COL14A1: variants seen among roughly 807,000 people sequenced by gnomAD.
COL14A1 encodes the protein collagen alpha-1(XIV) chain.
A neutral mutation model predicts 230.3 loss-of-function variants in COL14A1; 136 were observed. The observed-to-expected ratio is 0.59, with a 90% CI of 0.51 to 0.68. COL14A1 has a LOEUF of 0.68. Among genes scored for constraint, COL14A1 ranks in the 30% least tolerant of loss-of-function variants. The pLI, the probability that COL14A1 is intolerant of heterozygous loss-of-function variation, is 0.00. For synonymous variants in COL14A1, 792 were observed against 784.1 expected (o/e 1.01, Z -0.17); for missense variants, 1,976 against 2,215.8 (o/e 0.89, Z 2.17).
intron 12 of COL14A1, among the ~76,000 whole-genome samples, chr8:120,210,796 C>A (rs1197982843): frequency 2.0e-5 from 3 of 151,876 alleles, no homozygotes; most frequent in Admixed American, 6.6e-5. Context: ...TCTTTAGGGT[C>A]AAAAAAATGG....
intron 24 of COL14A1, 41 bp from the exon 25 acceptor site, chr8:120,266,786 T>C (rs745628519): frequency 4.6e-6 from 7 of 1,525,376 alleles, no homozygotes; most frequent in Non-Finnish European, 6.4e-6. Context: ...TCCCCACAGA[T>C]GAGATGGTGA....
chr8:120,252,256 G>C (rs573796809), intron 22 of COL14A1, among the ~76,000 whole-genome samples: 2 of 151,972 alleles, frequency 1.3e-5, no homozygotes, highest in Admixed American at 1.3e-4. Flanking sequence ...AAATTCTCTA[G>C]TGGTGAATTC....
chr8:120,297,686 G>A (rs1033052363), intron 35 of COL14A1, 98 bp downstream of exon 35: 17 of 564,560 alleles, frequency 3.0e-5, no homozygotes, highest in African/African-American at 9.9e-5. Context: ...TAGGCAACTC[G>A]TTGAGATGAT....
At position 120,271,156 on chromosome 8, in the gene COL14A1, A is replaced by T. The variant is rs557291365; in HGVS notation, c.3213+982A>T. Among the ~76,000 whole-genome samples the T allele has an allele frequency of 3.9e-4, 59 of 151,870 alleles. No individual in the cohort carries two copies. The South Asian group carries it at 0.012, about 30-fold the overall frequency. On this transcript the variant is annotated intron_variant, in intron 26 of 47. Coordinates refer to ENST00000297848, the MANE Select transcript of COL14A1 (RefSeq NM_021110.4). ...CCAAATACTGCATGTTCCCACTTATAAGTGGGAGCTAAACATCGAGTACAT... is the reference window on the plus strand; with the variant it reads ...CCAAATACTGCATGTTCCCACTTATTAGTGGGAGCTAAACATCGAGTACAT...
intron 1 of COL14A1, among the ~76,000 whole-genome samples, chr8:120,132,757 A>G (rs1022921237): frequency 6.6e-6 from 1 of 152,140 alleles, no homozygotes; most frequent in African/African-American, 2.4e-5. Context: ...CAAAGTACAA[A>G]TTACTAAAAC....
At chr8:120,244,663 C>T (rs1447454168) in intron 20 of COL14A1, among the ~76,000 whole-genome samples, 1 of 152,176 alleles carries the variant, frequency 6.6e-6, no homozygotes, top group Non-Finnish European at 1.5e-5. Context: ...TGAGTTACTT[C>T]ACTTAAAATA....
chr8:120,265,559 T>C (rs937460672), intron 24 of COL14A1, among the ~76,000 whole-genome samples: 1 of 151,812 alleles, frequency 6.6e-6, no homozygotes, highest in African/African-American at 2.4e-5. Context: ...TTTTCAGAAA[T>C]ATTTCCTTTT....
At chr8:120,140,993 G>T (rs1001312149) in intron 1 of COL14A1, among the ~76,000 whole-genome samples, 1 of 152,148 alleles carries the variant, frequency 6.6e-6, no homozygotes, top group Non-Finnish European at 1.5e-5. Flanking sequence ...CTAACATGAC[G>T]TTTTTAAACA....
chr8:120,299,108 T>C (rs570095702), intron 35 of COL14A1, among the ~76,000 whole-genome samples: 2 of 152,068 alleles, frequency 1.3e-5, no homozygotes, highest in East Asian at 3.9e-4. Context: ...GAAGAAAAAG[T>C]TACTGAGTTG....
chr8:120,267,064 C>T (rs1366250481), intron 25 of COL14A1, 181 bp downstream of exon 25: 3 of 573,224 alleles, frequency 5.2e-6, no homozygotes, highest in East Asian at 3.0e-5. Context: ...AATATCAATT[C>T]TGCACACAAA....
At chr8:120,300,711 G>T (rs768553108) in intron 35 of COL14A1, 21 bp from the exon 36 acceptor site, 2 of 1,594,916 alleles carry the variant, frequency 1.3e-6, no homozygotes, top group Non-Finnish European at 1.7e-6. Flanking sequence ...TAATGGTTGT[G>T]CTTTTTTTGT....
chr8:120,247,661 A>T lies in COL14A1; in HGVS notation c.2528A>T (p.Asn843Ile), dbSNP rs1818806510. ...TTGCGGGTGTCCGAGGAATGGTATAACCGGTTGCGCATTACGTGGGACCCC... is the reference window on the plus strand; with the variant it reads ...TTGCGGGTGTCCGAGGAATGGTATATCCGGTTGCGCATTACGTGGGACCCC... ...QNLRVSEEWYNRLRITWDPPS... is the reference protein window; with the variant it reads ...QNLRVSEEWYIRLRITWDPPS... Residue 843 changes from asparagine to isoleucine, a missense_variant, in exon 21 of 48, where the codon AAC (asparagine) becomes ATC (isoleucine). By Grantham distance (149) the Asn-to-Ile change is moderately radical. Coordinates refer to ENST00000297848, the MANE Select transcript of COL14A1 (RefSeq NM_021110.4). 6.2e-7 allele frequency: 1 copy of T among 1,614,030 alleles called. No homozygotes were observed. The highest frequency in any genetic ancestry group is 1.3e-5 in the African/African-American group (1 of 74,916).
In COL14A1 at chr8:120,279,957, T is replaced by C; in HGVS notation, c.3504T>C (p.Gly1168=). 1 of 1,613,606 alleles carries C rather than the reference T, an allele frequency of 6.2e-7. No homozygotes were observed. Residue 1168 remains glycine (G), a synonymous_variant, in exon 29 of 48, where the codon GGT becomes GGC. Transcript: ENST00000297848. ...CAGGCTATAGCATTTTTGCAATTGG[T>C]GTGGCCGATGCAGATTACTCGGAGT... is the stretch of plus-strand genomic sequence containing the variant. ...QLDGYSIFAI[G]VADADYSELV... is the part of the protein sequence containing the mutation.
At chr8:120,360,039 A>G (rs769775389) in intron 45 of COL14A1, among the ~76,000 whole-genome samples, 8 of 152,214 alleles carry the variant, frequency 5.3e-5, no homozygotes, top group Non-Finnish European at 8.8e-5. Flanking sequence ...ACTAATAGAA[A>G]GACCTGAAGT....
At chr8:120,332,097 T>C in intron 40 of COL14A1, 44 bp from the exon 41 acceptor site, 1 of 1,591,330 alleles carries the variant, frequency 6.3e-7, no homozygotes, top group Non-Finnish European at 8.6e-7. Context: ...CTGAAAGCCA[T>C]ATAAAGCAAC....
chr8:120,240,816 C>T (rs1412496053), intron 19 of COL14A1, among the ~76,000 whole-genome samples: 1 of 152,052 alleles, frequency 6.6e-6, no homozygotes, highest in Non-Finnish European at 1.5e-5. Context: ...GATATAATTA[C>T]ATCTATCAAA....
chr8:120,174,752 C>A (rs1253021934), intron 5 of COL14A1, among the ~76,000 whole-genome samples: 1 of 152,022 alleles, frequency 6.6e-6, no homozygotes, highest in Non-Finnish European at 1.5e-5. Context: ...GAGGTGTGTG[C>A]CAGGGCAGTG....
chr8:120,163,115 C>T (rs1029245413), intron 4 of COL14A1, among the ~76,000 whole-genome samples: 3 of 152,198 alleles, frequency 2.0e-5, no homozygotes, highest in Non-Finnish European at 4.4e-5. Flanking sequence ...ACTAAAACAG[C>T]CTATGCAACA....
intron 5 of COL14A1, among the ~76,000 whole-genome samples, chr8:120,184,534 C>T (rs886088997): frequency 3.9e-5 from 6 of 152,092 alleles, no homozygotes; most frequent in Non-Finnish European, 7.4e-5. Context: ...GGATTACAAA[C>T]CACTGTGCCT....
Sources: gnomAD v4.1 joint callset for allele counts (sites outside exome capture counted in the v4.1 genomes callset) on GRCh38, gnomAD v4.1.1 for gene constraint, MANE v1.5 for transcripts, NCBI Gene and HGNC (gene_info 2026-07-23, HGNC 2026-07-21) for gene names.